The following DOCK3 variants were observed in gnomAD, a reference collection of about 807,000 sequenced individuals.
The protein encoded by DOCK3 is dedicator of cytokinesis protein 3.
In DOCK3, 60 loss-of-function variants were observed where a neutral mutation model predicts 265.6. That is an observed-to-expected ratio of 0.23 (90% CI 0.18 to 0.28). The LOEUF (loss-of-function observed/expected upper bound fraction) is 0.28. Ranked by LOEUF, DOCK3 falls within the 10% of genes least tolerant of loss-of-function variation. The pLI, the probability that DOCK3 is intolerant of heterozygous loss-of-function variation, is 1.00. For missense variants in DOCK3, 1,981 were observed against 2,594.3 expected, an observed-to-expected ratio of 0.76 and a Z score of 5.14; for synonymous variants, 881 against 938.0, an observed-to-expected ratio of 0.94 and a Z score of 1.11.
At chr3:50,877,099 A>G (rs2047740353) in intron 3 of DOCK3, 2 of 250,416 alleles carry the variant, frequency 8.0e-6, no homozygotes, top group Non-Finnish European at 1.6e-5. Flanking sequence ...GCATCCAGGC[A>G]TTTCTGCCAT....
At chr3:51,214,606 A>G (rs1378771337) in intron 14 of DOCK3, among the ~76,000 whole-genome samples, 1 of 152,250 alleles carries the variant, frequency 6.6e-6, no homozygotes, top group Non-Finnish European at 1.5e-5. Flanking sequence ...TTGTCTCACA[A>G]GAACTTACTG....
intron 1 of DOCK3, among the ~76,000 whole-genome samples, chr3:50,722,003 G>T (rs1192369119): frequency 6.6e-6 from 1 of 152,162 alleles, no homozygotes; most frequent in Non-Finnish European, 1.5e-5. Context: ...TGAATGGGGG[G>T]TGGAAATATG....
intron 5 of DOCK3, among the ~76,000 whole-genome samples, chr3:50,936,704 G>A (rs1253021222): frequency 6.6e-6 from 1 of 152,120 alleles, no homozygotes; most frequent in Non-Finnish European, 1.5e-5. Context: ...TGTGTATGCA[G>A]CAAAAATATG....
intron 9 of DOCK3, among the ~76,000 whole-genome samples, chr3:51,140,066 A>T (rs2084977331): frequency 6.6e-6 from 1 of 152,218 alleles, no homozygotes; most frequent in South Asian, 2.1e-4. Flanking sequence ...ACCACGAAAA[A>T]GTTTGTTGTT....
intron 1 of DOCK3, among the ~76,000 whole-genome samples, chr3:50,738,535 T>C (rs1364322538): frequency 6.6e-6 from 1 of 152,236 alleles, no homozygotes; most frequent in African/African-American, 2.4e-5. Context: ...TGCATGTTTT[T>C]TAAAGAATGA....
intron 12 of DOCK3, among the ~76,000 whole-genome samples, chr3:51,182,424 T>C (rs959832610): frequency 6.6e-6 from 1 of 152,170 alleles, no homozygotes; most frequent in Non-Finnish European, 1.5e-5. Flanking sequence ...TCAGACTTAT[T>C]CCCTGGGGGT....
At chr3:50,950,281 G>T (rs1247522561) in intron 5 of DOCK3, among the ~76,000 whole-genome samples, 1 of 152,010 alleles carries the variant, frequency 6.6e-6, no homozygotes, top group Admixed American at 6.5e-5. Flanking sequence ...AAAATCTACT[G>T]ACTCTTGCTT....
intron 14 of DOCK3, among the ~76,000 whole-genome samples, chr3:51,223,918 T>C (rs995394850): frequency 6.6e-6 from 1 of 152,164 alleles, no homozygotes; most frequent in African/African-American, 2.4e-5. Context: ...CCTGTACACC[T>C]GAGTGCTCTA....
At chr3:51,153,875 G>T (rs1165083565) in intron 10 of DOCK3, among the ~76,000 whole-genome samples, 1 of 152,132 alleles carries the variant, frequency 6.6e-6, no homozygotes, top group Non-Finnish European at 1.5e-5. Context: ...TAATTTATTT[G>T]CTGTAGAAGA....
intron 5 of DOCK3, among the ~76,000 whole-genome samples, chr3:50,977,301 T>C (rs2077489679): frequency 6.6e-6 from 1 of 152,158 alleles, no homozygotes; most frequent in Non-Finnish European, 1.5e-5. Context: ...CTTTCCATGT[T>C]TAGCACTTCC....
Position 50,974,814 on chromosome 3 carries a change from AT to A in DOCK3, c.315+40739del, listed in dbSNP as rs2077376879. On this transcript the variant is annotated intron_variant, in intron 5 of 52. Transcript: ENST00000266037. ...ATTTGTTTGTATCATCTTTTATTTCATTGAGCAGTGGTTTGTAGTTCTCCTT... is the reference window on the plus strand; with the variant it reads ...ATTTGTTTGTATCATCTTTTATTTCATGAGCAGTGGTTTGTAGTTCTCCTT... 2.1e-5 allele frequency among the ~76,000 whole-genome samples: 3 copies of A among 143,678 alleles called. No individual in the cohort carries two copies. The Admixed American group carries it at 2.1e-4, about 10-fold the overall frequency. 94.3% of individuals were successfully genotyped at this position (143,678 alleles called of 152,430 possible). A position where few individuals can be genotyped will look rare whatever the true frequency, so the allele number is the denominator to read the frequency against.
intron 10 of DOCK3, among the ~76,000 whole-genome samples, chr3:51,155,790 T>C (rs776902807): frequency 6.6e-6 from 1 of 152,216 alleles, no homozygotes; most frequent in Non-Finnish European, 1.5e-5. Context: ...CTGACTTTCA[T>C]GCTAAACAAT....
chr3:51,362,099 C>G, intron 48 of DOCK3, 102 bp downstream of exon 48: 1 of 1,408,906 alleles, frequency 7.1e-7, no homozygotes, highest in Non-Finnish European at 9.5e-7. Context: ...CTGCCTAATT[C>G]TCTAGCTCCT....
chr3:51,091,514 T>C (rs1384567477), intron 9 of DOCK3, among the ~76,000 whole-genome samples: 2 of 151,946 alleles, frequency 1.3e-5, no homozygotes, highest in Admixed American at 1.3e-4. Context: ...AAACCCCATC[T>C]CTACCAAAAA....
intron 3 of DOCK3, among the ~76,000 whole-genome samples, chr3:50,846,943 T>C (rs572288098): frequency 3.3e-5 from 5 of 152,302 alleles, no homozygotes; most frequent in African/African-American, 1.2e-4. Flanking sequence ...TCCATCAATC[T>C]TGTTGATTCT....
intron 9 of DOCK3, among the ~76,000 whole-genome samples, chr3:51,143,555 C>T (rs969981838): frequency 2.0e-5 from 3 of 152,158 alleles, no homozygotes; most frequent in South Asian, 2.1e-4. Context: ...CAAGTGTGAG[C>T]CACCACACCC....
chr3:50,705,657 T>G (rs898305373), intron 1 of DOCK3, among the ~76,000 whole-genome samples: 1 of 151,756 alleles, frequency 6.6e-6, no homozygotes, highest in Non-Finnish European at 1.5e-5. Flanking sequence ...CCTCTTGATC[T>G]GCCTACCTCA....
chr3:51,153,384 T>G (rs544544039), intron 10 of DOCK3, among the ~76,000 whole-genome samples: 1 of 152,148 alleles, frequency 6.6e-6, no homozygotes, highest in Admixed American at 6.5e-5. Context: ...TGGGCGAGAG[T>G]GTCCCGATTT....
intron 5 of DOCK3, among the ~76,000 whole-genome samples, chr3:51,021,661 CT>C (rs61097732): frequency 4.2e-5 from 6 of 142,818 alleles, no homozygotes; most frequent in Non-Finnish European, 3.0e-5. Flanking sequence ...GGAGAACTTC[CT>C]TTTTTTTTTT....
Sources: gnomAD v4.1 joint callset for allele counts (sites outside exome capture counted in the v4.1 genomes callset) on GRCh38, gnomAD v4.1.1 for gene constraint, MANE v1.5 for transcripts, NCBI Gene and HGNC (gene_info 2026-07-23, HGNC 2026-07-21) for gene names.